The following NKAIN2 variants were observed in gnomAD, a reference collection of about 807,000 sequenced individuals.
NKAIN2 encodes the protein sodium/potassium transporting ATPase interacting 2.
Under a neutral mutation model 32.6 loss-of-function variants are expected in NKAIN2, and 14 were observed. The ratio of observed to expected loss-of-function variants is 0.43; its 90% CI spans 0.28 to 0.67. The LOEUF (loss-of-function observed/expected upper bound fraction) is 0.67, where lower values mean the gene tolerates loss of function less well. NKAIN2 is among the 30% of genes least tolerant of loss of function. The probability of loss-of-function intolerance (pLI) is 0.17; values close to 1 mark genes in which losing one functional copy is unlikely to be tolerated. For missense variants in NKAIN2, 198 were observed against 258.3 expected, an observed-to-expected ratio of 0.77 and a Z score of 1.60; for synonymous variants, 80 against 87.2, an observed-to-expected ratio of 0.92 and a Z score of 0.46.
intron 1 of NKAIN2, among the ~76,000 whole-genome samples, chr6:124,275,124 T>C (rs1336330130): frequency 6.6e-6 from 1 of 152,140 alleles, no homozygotes; most frequent in Non-Finnish European, 1.5e-5. Flanking sequence ...GAAATGGTTA[T>C]AAATTGCTAT....
intron 3 of NKAIN2, among the ~76,000 whole-genome samples, chr6:124,408,915 C>A (rs1013466885): frequency 6.6e-6 from 1 of 152,106 alleles, no homozygotes; most frequent in African/African-American, 2.4e-5. Flanking sequence ...TCTTTCACAT[C>A]CCTTGTAAGT....
At chr6:124,240,490 T>C (rs968821193) in intron 1 of NKAIN2, among the ~76,000 whole-genome samples, 1 of 151,792 alleles carries the variant, frequency 6.6e-6, no homozygotes. Flanking sequence ...AGTGCAAAAA[T>C]CCTCAATAAA....
intron 1 of NKAIN2, among the ~76,000 whole-genome samples, chr6:124,240,668 A>G (rs999041996): frequency 2.6e-5 from 4 of 152,194 alleles, no homozygotes; most frequent in Admixed American, 6.5e-5. Context: ...CAATAGATGC[A>G]GAAAAGGCCT....
At chr6:123,853,921 C>A (rs1043755075) in intron 1 of NKAIN2, among the ~76,000 whole-genome samples, 2 of 152,008 alleles carry the variant, frequency 1.3e-5, no homozygotes, top group African/African-American at 4.8e-5. Flanking sequence ...TACAGGTGCC[C>A]ACCACCACAC....
rs187457191 is a variant in NKAIN2 at position 124,538,467 on chromosome 6, C to T, written c.274-119719C>T. On this transcript the variant is annotated intron_variant, in intron 3 of 6. Coordinates refer to ENST00000368417, the MANE Select transcript of NKAIN2 (RefSeq NM_001040214.3). ...ATAGTTGGCTCTTTCCATCTAAGAG[C>T]TTTATTTATTTATGTTTGTTTGCTT... 2.6e-5 allele frequency among the ~76,000 whole-genome samples: 4 copies of T among 152,080 alleles called. No individual in the cohort carries two copies. The East Asian group carries it at 7.7e-4, about 29-fold the overall frequency.
At chr6:124,039,332 T>C (rs1267301875) in intron 1 of NKAIN2, among the ~76,000 whole-genome samples, 3 of 151,972 alleles carry the variant, frequency 2.0e-5, no homozygotes, top group African/African-American at 7.2e-5. Context: ...ATGGCTTATT[T>C]CAAGTGTTTT....
At chr6:124,331,067 A>C (rs1038851556) in intron 2 of NKAIN2, among the ~76,000 whole-genome samples, 7 of 152,086 alleles carry the variant, frequency 4.6e-5, no homozygotes, top group African/African-American at 9.7e-5. Flanking sequence ...CATCTACTAC[A>C]ATCTGAGTTC....
chr6:124,634,719 A>C (rs1783706203), intron 3 of NKAIN2, among the ~76,000 whole-genome samples: 1 of 152,100 alleles, frequency 6.6e-6, no homozygotes, highest in Non-Finnish European at 1.5e-5. Context: ...AGATATAGAC[A>C]TCCAGATCCA....
Position 124,263,495 on chromosome 6 carries a change from A to G in NKAIN2, c.55-19510A>G, listed in dbSNP as rs747773903. Among the ~76,000 whole-genome samples, 3 of 152,268 alleles carry G rather than the reference A, an allele frequency of 2.0e-5. No homozygotes were observed. In the South Asian group the frequency reaches 6.2e-4, roughly 32 times the overall value. ...CTTCAGTCTGCCTGACTCTGTACCT[A>G]TATTTCTCCTGTCAACTGAAGAGAT... On this transcript the variant is annotated intron_variant, in intron 1 of 6. Transcript: ENST00000368417.
intron 3 of NKAIN2, among the ~76,000 whole-genome samples, chr6:124,373,716 G>C (rs1259326210): frequency 6.6e-6 from 1 of 152,106 alleles, no homozygotes; most frequent in Non-Finnish European, 1.5e-5. Context: ...AACACTGACA[G>C]GGAAGGATGA....
At chr6:124,187,659 A>T (rs751824992) in intron 1 of NKAIN2, among the ~76,000 whole-genome samples, 7 of 152,140 alleles carry the variant, frequency 4.6e-5, no homozygotes, top group African/African-American at 9.7e-5. Context: ...CTTAGTTAAA[A>T]TTCTCTGTCT....
intron 1 of NKAIN2, among the ~76,000 whole-genome samples, chr6:124,032,340 A>G (rs1226547530): frequency 6.6e-6 from 1 of 151,880 alleles, no homozygotes; most frequent in Non-Finnish European, 1.5e-5. Context: ...CAGCACACCA[A>G]CATGGCACAT....
intron 2 of NKAIN2, among the ~76,000 whole-genome samples, chr6:124,286,780 C>T (rs542432679): frequency 6.6e-6 from 1 of 152,096 alleles, no homozygotes; most frequent in Admixed American, 6.5e-5. Context: ...CTCCCAGGTT[C>T]AAGCAATTCT....
At chr6:123,843,246 G>C (rs1165242864) in intron 1 of NKAIN2, among the ~76,000 whole-genome samples, 2 of 152,156 alleles carry the variant, frequency 1.3e-5, no homozygotes, top group East Asian at 3.9e-4. Context: ...GAAGAATCAG[G>C]TCACACAAAT....
chr6:124,742,273 C>T (rs1360335134), intron 4 of NKAIN2, among the ~76,000 whole-genome samples: 1 of 151,804 alleles, frequency 6.6e-6, no homozygotes, highest in Admixed American at 6.6e-5. Context: ...AGAAGGTTCA[C>T]CCTCACTAAT....
chr6:124,398,666 G>A (rs969095717), intron 3 of NKAIN2, among the ~76,000 whole-genome samples: 1 of 152,164 alleles, frequency 6.6e-6, no homozygotes, highest in African/African-American at 2.4e-5. Flanking sequence ...ATTTAAAATT[G>A]TGCAGTTTTA....
intron 3 of NKAIN2, among the ~76,000 whole-genome samples, chr6:124,557,091 A>G (rs1424133859): frequency 6.6e-6 from 1 of 152,204 alleles, no homozygotes; most frequent in African/African-American, 2.4e-5. Flanking sequence ...TGTCAATGCA[A>G]TGTGCCTATT....
chr6:124,567,353 C>T (rs1281167669), intron 3 of NKAIN2, among the ~76,000 whole-genome samples: 5 of 152,048 alleles, frequency 3.3e-5, no homozygotes, highest in African/African-American at 9.7e-5. Flanking sequence ...AATCATTTCA[C>T]TCTCTATTCA....
chr6:124,118,592 T>C (rs1372528028), intron 1 of NKAIN2, among the ~76,000 whole-genome samples: 1 of 152,138 alleles, frequency 6.6e-6, no homozygotes, highest in Non-Finnish European at 1.5e-5. Context: ...ATAAAAATTA[T>C]TGTAGGCATT....
Sources: gnomAD v4.1 joint callset for allele counts (sites outside exome capture counted in the v4.1 genomes callset) on GRCh38, gnomAD v4.1.1 for gene constraint, MANE v1.5 for transcripts, NCBI Gene and HGNC (gene_info 2026-07-23, HGNC 2026-07-21) for gene names.